The following RNF144A variants were observed in gnomAD, a reference collection of about 807,000 sequenced individuals.
RNF144A encodes the protein E3 ubiquitin-protein ligase RNF144A.
A neutral mutation model predicts 38.7 loss-of-function variants in RNF144A; 11 were observed. That is an observed-to-expected ratio of 0.28 (90% CI 0.18 to 0.47). The LOEUF is 0.47. RNF144A is among the 20% of genes least tolerant of loss of function. The pLI is 0.99. For missense variants in RNF144A, 316 were observed against 377.2 expected (o/e 0.84, Z 1.34); for synonymous variants, 149 against 143.9 (o/e 1.04, Z -0.25).
Position 7,042,949 on chromosome 2 carries a change from G to C in RNF144A, c.*3189G>C, listed in dbSNP as rs1572471147. 1 of 766,374 alleles carries C rather than the reference G, an allele frequency of 1.3e-6. No homozygotes were observed. Among genetic ancestry groups the C allele is most frequent in the Non-Finnish European group, 1.6e-6 (1 of 630,684 alleles). 47.5% of individuals were successfully genotyped at this position (766,374 alleles called of 1,614,324 possible). Reference sequence around the variant, plus strand: ...ATGACAGGATCTCGGCTCACTGCAAGCTCTGCCTCCCGGGTTCAAGCGATT... The same window carrying C: ...ATGACAGGATCTCGGCTCACTGCAACCTCTGCCTCCCGGGTTCAAGCGATT... On this transcript the variant is annotated 3_prime_UTR_variant, in exon 9 of 9. Transcript: ENST00000320892.
rs1490094669 is a variant in RNF144A, at chr2:7,020,516, C to T, written c.345C>T (p.Thr115=). Residue 115 remains threonine (T), a synonymous_variant, in exon 6 of 9, where the codon ACC becomes ACT. Transcript: ENST00000320892. ...DPCRTWCPAS[T]CQAVCQLQDV... ...GTCGGACTTGGTGCCCGGCGTCCAC[C>T]TGCCAAGCTGTGTGTCAGCTCCAGG... 1.9e-6 allele frequency: 3 copies of T among 1,613,712 alleles called. No homozygotes were observed. The highest frequency in any genetic ancestry group is 1.7e-6 in the Non-Finnish European group (2 of 1,180,016).
chr2:6,940,520 TC>T (rs1484175868), intron 1 of RNF144A, among the ~76,000 whole-genome samples: 1 of 152,208 alleles, frequency 6.6e-6, no homozygotes, highest in Admixed American at 6.5e-5. Context: ...GCCTTTTTTT[TC>T]ATTAGTTTAT....
At chr2:7,052,006 C>T (rs1458813324) in intron 6 of RNF144A, among the ~76,000 whole-genome samples, 1 of 152,154 alleles carries the variant, frequency 6.6e-6, no homozygotes, top group Non-Finnish European at 1.5e-5. Context: ...TATTACTCCT[C>T]CCTTAGTCCA....
chr2:7,022,116 G>T (rs577253967), intron 6 of RNF144A, among the ~76,000 whole-genome samples: 1 of 152,246 alleles, frequency 6.6e-6, no homozygotes. Context: ...TGCTGGAGGC[G>T]CCTCCTGGGC....
intron 2 of RNF144A, among the ~76,000 whole-genome samples, chr2:6,946,332 T>C (rs1177400024): frequency 6.6e-6 from 1 of 152,226 alleles, no homozygotes; most frequent in Non-Finnish European, 1.5e-5. Flanking sequence ...ATTAGTATCT[T>C]GCCTTTATAA....
At chr2:7,031,239 G>T (rs769166517) in intron 8 of RNF144A, among the ~76,000 whole-genome samples, 1 of 152,110 alleles carries the variant, frequency 6.6e-6, no homozygotes, top group Non-Finnish European at 1.5e-5. Flanking sequence ...CCCTCGTGTT[G>T]GTTAATATTA....
chr2:7,032,052 G>A (rs1672339839), intron 8 of RNF144A, among the ~76,000 whole-genome samples: 2 of 152,278 alleles, frequency 1.3e-5, no homozygotes, highest in South Asian at 2.1e-4. Context: ...CAATAAAGCT[G>A]TATGGATAAA....
At chr2:7,036,832 G>A (rs1331416297) in intron 8 of RNF144A, among the ~76,000 whole-genome samples, 1 of 152,102 alleles carries the variant, frequency 6.6e-6, no homozygotes, top group Non-Finnish European at 1.5e-5. Flanking sequence ...ATTCTCTGGG[G>A]GCAGCCATTC....
intron 1 of RNF144A, among the ~76,000 whole-genome samples, chr2:6,926,631 C>T (rs146700898): frequency 2.6e-5 from 4 of 152,288 alleles, no homozygotes; most frequent in African/African-American, 9.6e-5. Context: ...CAGTCCTGTC[C>T]TGGTTGTCTT....
At chr2:7,017,690 C>CA (rs1351251833) in intron 5 of RNF144A, among the ~76,000 whole-genome samples, 1 of 152,134 alleles carries the variant, frequency 6.6e-6, no homozygotes, top group Non-Finnish European at 1.5e-5. Flanking sequence ...TCTAGTGTGC[C>CA]AAAAAGCATA....
chr2:7,045,060 A>T (rs1300477695), downstream of RNF144A, among the ~76,000 whole-genome samples: 1 of 152,268 alleles, frequency 6.6e-6, no homozygotes. Context: ...GGCTGTCCAG[A>T]GGACGCCATG....
intron 5 of RNF144A, among the ~76,000 whole-genome samples, chr2:7,015,528 C>T (rs1226901179): frequency 6.6e-6 from 1 of 152,146 alleles, no homozygotes; most frequent in Non-Finnish European, 1.5e-5. Context: ...GCACACAGAG[C>T]AGAACATGAT....
Position 7,020,460 on chromosome 2 carries a change from C to T in RNF144A, c.302-13C>T. ...CTTAAGTTTGATTTGTCCATTTTGTCTCACTGTACCAGAGGTGCTGTTTGA... is the reference window on the plus strand; with the variant it reads ...CTTAAGTTTGATTTGTCCATTTTGTTTCACTGTACCAGAGGTGCTGTTTGA... On this transcript the variant is annotated splice_polypyrimidine_tract_variant and intron_variant, in intron 5 of 8. Coordinates refer to ENST00000320892, the MANE Select transcript of RNF144A (RefSeq NM_014746.6). 1 of 1,608,962 alleles carries T rather than the reference C, an allele frequency of 6.2e-7. No homozygotes were observed. Among genetic ancestry groups the T allele is most frequent in the African/African-American group, 1.3e-5 (1 of 74,954 alleles).
chr2:7,018,768 A>G (rs563130460), intron 5 of RNF144A, among the ~76,000 whole-genome samples: 30 of 152,216 alleles, frequency 2.0e-4, no homozygotes, highest in Non-Finnish European at 4.4e-4. Flanking sequence ...TATTATAATG[A>G]AGATAATTAG....
At chr2:6,963,054 A>T (rs1163001535) in intron 2 of RNF144A, among the ~76,000 whole-genome samples, 1 of 152,214 alleles carries the variant, frequency 6.6e-6, no homozygotes, top group African/African-American at 2.4e-5. Flanking sequence ...TGGTGATTTG[A>T]TGCATGAGAT....
At chr2:6,974,135 A>T (rs1668161949) in intron 2 of RNF144A, among the ~76,000 whole-genome samples, 1 of 152,152 alleles carries the variant, frequency 6.6e-6, no homozygotes, top group South Asian at 2.1e-4. Flanking sequence ...GTAAAGTGGG[A>T]GGGTGGAAGT....
intron 8 of RNF144A, among the ~76,000 whole-genome samples, chr2:7,034,675 C>G (rs1672547057): frequency 6.6e-6 from 1 of 152,136 alleles, no homozygotes; most frequent in Non-Finnish European, 1.5e-5. Flanking sequence ...CATTAGAAGC[C>G]AAGAATTATT....
rs145183898 is a variant in RNF144A at position 7,022,275 on chromosome 2, T to A, written c.509+1595T>A. Reference sequence around the variant, plus strand: ...TTTGGTTAAATCTTCTCCTCAACCATGTTTTTATCCAGCCCCTGACCACTT... The same window carrying A: ...TTTGGTTAAATCTTCTCCTCAACCAAGTTTTTATCCAGCCCCTGACCACTT... On this transcript the variant is annotated intron_variant, in intron 6 of 8. Coordinates refer to ENST00000320892, the MANE Select transcript of RNF144A (RefSeq NM_014746.6). 5.9e-3 allele frequency among the ~76,000 whole-genome samples: 895 copies of A among 152,354 alleles called. 7 individuals are homozygous for A. Among genetic ancestry groups the A allele is most frequent in the African/African-American group, 0.02 (840 of 41,584 alleles).
downstream of RNF144A, among the ~76,000 whole-genome samples, chr2:7,045,013 C>T (rs1673243433): frequency 6.6e-6 from 1 of 152,210 alleles, no homozygotes; most frequent in Non-Finnish European, 1.5e-5. Context: ...TTTGCGGGCA[C>T]AGCACAGCCC....
Sources: allele counts gnomAD v4.1 joint callset (sites outside exome capture counted in the v4.1 genomes callset), GRCh38; gene constraint gnomAD v4.1.1; transcripts MANE v1.5; gene names NCBI Gene and HGNC (gene_info 2026-07-23, HGNC 2026-07-21).